The following RARB variants were observed in gnomAD, a reference collection of about 807,000 sequenced individuals.
RARB encodes HBV-activated protein.
In RARB, 17 loss-of-function variants were observed where a neutral mutation model predicts 51.9. That is an observed-to-expected ratio of 0.33 (90% CI 0.22 to 0.49). The LOEUF is 0.49. Ranked by LOEUF, RARB falls within the 20% of genes least tolerant of loss-of-function variation. RARB has a pLI of 0.99. For synonymous variants in RARB, 215 were observed against 195.4 expected (o/e 1.10, Z -0.84); for missense variants, 369 against 550.8 (o/e 0.67, Z 3.30).
intron 2 of RARB, among the ~76,000 whole-genome samples, chr3:24,952,345 C>T (rs1213706923): frequency 6.6e-6 from 1 of 152,090 alleles, no homozygotes; most frequent in Non-Finnish European, 1.5e-5. Flanking sequence ...TTACCCCCAA[C>T]TTTTATACCA....
At chr3:25,512,799 C>G (rs542946343) in intron 3 of RARB, among the ~76,000 whole-genome samples, 3 of 152,252 alleles carry the variant, frequency 2.0e-5, no homozygotes, top group Admixed American at 1.3e-4. Flanking sequence ...CAGAGTCAAA[C>G]TGTTTTTTGG....
At chr3:24,904,838 AATG>A (rs984895126) in intron 2 of RARB, among the ~76,000 whole-genome samples, 4 of 152,250 alleles carry the variant, frequency 2.6e-5, no homozygotes, top group Admixed American at 6.5e-5. Flanking sequence ...AGCCATAAAA[AATG>A]ATGAGTTCAT....
chr3:25,052,888 A>G (rs1485539564), intron 2 of RARB, among the ~76,000 whole-genome samples: 4 of 125,890 alleles, frequency 3.2e-5, no homozygotes, highest in African/African-American at 1.0e-4. Context: ...AAAGTCATAG[A>G]AAAAAAAAAA....
chr3:25,226,788 A>T (rs1309115700), intron 5 of RARB, among the ~76,000 whole-genome samples: 1 of 152,176 alleles, frequency 6.6e-6, no homozygotes, highest in African/African-American at 2.4e-5. Flanking sequence ...CACATTAGAA[A>T]TAGATCAAGA....
At chr3:25,072,206 T>C (rs1158738905) in intron 3 of RARB, among the ~76,000 whole-genome samples, 1 of 152,206 alleles carries the variant, frequency 6.6e-6, no homozygotes, top group Non-Finnish European at 1.5e-5. Flanking sequence ...ATTTAAAAAT[T>C]AGGAAAATAA....
At chr3:25,247,622 T>A (rs1000460404) in intron 5 of RARB, among the ~76,000 whole-genome samples, 1 of 152,170 alleles carries the variant, frequency 6.6e-6, no homozygotes, top group African/African-American at 2.4e-5. Context: ...TGCCCCACCC[T>A]GCTTCTGCTC....
intron 4 of RARB, among the ~76,000 whole-genome samples, chr3:25,160,306 A>G (rs2125346116): frequency 6.6e-6 from 1 of 152,336 alleles, no homozygotes; most frequent in South Asian, 2.1e-4. Flanking sequence ...AGACTTTTCT[A>G]GGAAATGTTG....
chr3:25,245,441 C>T (rs1227698726), intron 5 of RARB, among the ~76,000 whole-genome samples: 1 of 152,032 alleles, frequency 6.6e-6, no homozygotes, highest in Non-Finnish European at 1.5e-5. Flanking sequence ...GTGGCTGGTA[C>T]CGGTTTTTCC....
At chr3:25,311,238 C>T (rs1045594664) in intron 5 of RARB, among the ~76,000 whole-genome samples, 7 of 152,120 alleles carry the variant, frequency 4.6e-5, no homozygotes, top group Admixed American at 6.5e-5. Context: ...AGAGGATGCA[C>T]GTGGTGTATT....
intron 5 of RARB, among the ~76,000 whole-genome samples, chr3:25,348,197 C>G (rs569486908): frequency 2.6e-5 from 4 of 152,168 alleles, no homozygotes; most frequent in Admixed American, 2.0e-4. Context: ...TTAGGTAACC[C>G]CACTGAACCT....
At chr3:25,369,183 T>C (rs1381950447) in intron 5 of RARB, among the ~76,000 whole-genome samples, 2 of 152,222 alleles carry the variant, frequency 1.3e-5, no homozygotes, top group Non-Finnish European at 2.9e-5. Context: ...TATACAGTTA[T>C]AGTGTTGAAA....
intron 2 of RARB, among the ~76,000 whole-genome samples, chr3:24,958,767 A>G (rs1195594118): frequency 1.3e-5 from 2 of 152,218 alleles, no homozygotes; most frequent in African/African-American, 2.4e-5. Flanking sequence ...GTCTTTGGCC[A>G]TGAAAATAAT....
At chr3:24,838,858 GAC>G (rs2125329232) in intron 1 of RARB, among the ~76,000 whole-genome samples, 1 of 151,154 alleles carries the variant, frequency 6.6e-6, no homozygotes, top group South Asian at 2.1e-4. Flanking sequence ...GCCTAGTAAT[GAC>G]AAATTATATG....
intron 5 of RARB, among the ~76,000 whole-genome samples, chr3:25,176,146 A>T (rs1214926237): frequency 6.6e-6 from 1 of 152,056 alleles, no homozygotes; most frequent in Non-Finnish European, 1.5e-5. Flanking sequence ...TGTAGCCAAG[A>T]AGTTGAGATA....
chr3:24,890,860 C>A (rs776056221), intron 2 of RARB, among the ~76,000 whole-genome samples: 1 of 151,698 alleles, frequency 6.6e-6, no homozygotes, highest in Admixed American at 6.6e-5. Flanking sequence ...AAAAAAAATG[C>A]GGTTTGAGTT....
rs142626772 is a variant in RARB at position 25,365,417 on chromosome 3, A to C, written c.179-95776A>C. Among the ~76,000 whole-genome samples the C allele has an allele frequency of 1.8e-3, 266 of 151,882 alleles. 2 individuals carry two copies. The highest frequency in any genetic ancestry group is 6.3e-3 in the African/African-American group (260 of 41,454). On this transcript the variant is annotated intron_variant, in intron 5 of 11. Transcript: ENST00000383772. ...ATGAGCCACCATGCCTGTCTCATCC[A>C]TGCTTTCTACTCTCCCTCCCAAATT...
intron 5 of RARB, among the ~76,000 whole-genome samples, chr3:25,319,357 C>A (rs1704506782): frequency 6.6e-6 from 1 of 152,138 alleles, no homozygotes; most frequent in South Asian, 2.1e-4. Flanking sequence ...CATTTCATTC[C>A]CTGGAAAGAT....
intron 5 of RARB, among the ~76,000 whole-genome samples, chr3:25,211,959 A>T (rs556185456): frequency 1.3e-5 from 2 of 152,036 alleles, no homozygotes; most frequent in Non-Finnish European, 2.9e-5. Flanking sequence ...AAATATTTCC[A>T]TTTGCCAATA....
At chr3:25,186,626 T>C (rs1260090645) in intron 5 of RARB, among the ~76,000 whole-genome samples, 3 of 151,968 alleles carry the variant, frequency 2.0e-5, no homozygotes, top group African/African-American at 7.2e-5. Context: ...CGAACATGGA[T>C]AGATCATAGA....
Sources: allele counts gnomAD v4.1 joint callset (sites outside exome capture counted in the v4.1 genomes callset), GRCh38; gene constraint gnomAD v4.1.1; transcripts MANE v1.5; gene names NCBI Gene and HGNC (gene_info 2026-07-23, HGNC 2026-07-21).